The following INPP4B variants were observed in gnomAD, a reference collection of about 807,000 sequenced individuals.
The protein encoded by INPP4B is inositol polyphosphate 4-phosphatase type II.
In INPP4B, 55 loss-of-function variants were observed where a neutral mutation model predicts 122.5. That is an observed-to-expected ratio of 0.45 (90% CI 0.36 to 0.56). INPP4B has a LOEUF of 0.56. Among genes scored for constraint, INPP4B ranks in the 20% least tolerant of loss-of-function variants. The pLI, the probability that INPP4B is intolerant of heterozygous loss-of-function variation, is 0.00. For synonymous variants in INPP4B, 403 were observed against 388.7 expected, an observed-to-expected ratio of 1.04 and a Z score of -0.43; for missense variants, 1,000 against 1,097.7, an observed-to-expected ratio of 0.91 and a Z score of 1.26.
At chr4:142,790,818 C>T (rs1372499507) in intron 1 of INPP4B, among the ~76,000 whole-genome samples, 1 of 151,736 alleles carries the variant, frequency 6.6e-6, no homozygotes, top group Non-Finnish European at 1.5e-5. Context: ...AACCAAGTTC[C>T]AGCAATGTCC....
chr4:142,178,336 C>T (rs576571988), intron 15 of INPP4B, among the ~76,000 whole-genome samples: 1 of 152,318 alleles, frequency 6.6e-6, no homozygotes, highest in South Asian at 2.1e-4. Flanking sequence ...TGTAATAGCT[C>T]ACAAACTGGT....
At chr4:142,674,668 A>G (rs972332390) in intron 2 of INPP4B, among the ~76,000 whole-genome samples, 25 of 152,158 alleles carry the variant, frequency 1.6e-4, no homozygotes, top group Non-Finnish European at 1.2e-4. Context: ...AAATTATAAC[A>G]GTCTCTCAGA....
At chr4:142,457,910 C>A (rs1309298229) in intron 3 of INPP4B, among the ~76,000 whole-genome samples, 1 of 152,084 alleles carries the variant, frequency 6.6e-6, no homozygotes, top group Non-Finnish European at 1.5e-5. Context: ...CTGGTAGTTT[C>A]TTATAAAATT....
chr4:142,140,818 G>A (rs1242868835), intron 18 of INPP4B, among the ~76,000 whole-genome samples: 1 of 152,130 alleles, frequency 6.6e-6, no homozygotes, highest in African/African-American at 2.4e-5. Flanking sequence ...CAAGGTTTAT[G>A]GATATCAGTA....
At chr4:142,670,174 G>A (rs1172782262) in intron 2 of INPP4B, among the ~76,000 whole-genome samples, 5 of 152,134 alleles carry the variant, frequency 3.3e-5, no homozygotes, top group Non-Finnish European at 5.9e-5. Flanking sequence ...AACATAGTAT[G>A]TGTAGGGTTT....
intron 1 of INPP4B, among the ~76,000 whole-genome samples, chr4:142,842,837 C>CAT (rs1419814669): frequency 7.8e-6 from 1 of 128,936 alleles, no homozygotes; most frequent in East Asian, 2.1e-4. Flanking sequence ...ATTTATATAT[C>CAT]ATATATATCA....
intron 2 of INPP4B, among the ~76,000 whole-genome samples, chr4:142,486,621 T>A (rs1037625042): frequency 9.2e-5 from 14 of 152,134 alleles, no homozygotes; most frequent in Non-Finnish European, 1.8e-4. Context: ...ATATAGAAAC[T>A]CTAATTTATC....
At chr4:142,682,557 T>A (rs1423256660) in intron 2 of INPP4B, among the ~76,000 whole-genome samples, 1 of 151,932 alleles carries the variant, frequency 6.6e-6, no homozygotes, top group African/African-American at 2.4e-5. Context: ...CATTGCTAAT[T>A]CACCAATAAC....
At chr4:142,449,540 A>G (rs1412918710) in intron 3 of INPP4B, among the ~76,000 whole-genome samples, 2 of 152,078 alleles carry the variant, frequency 1.3e-5, no homozygotes, top group African/African-American at 4.8e-5. Context: ...TGTTTCTACT[A>G]AAAATACAAA....
chr4:142,613,330 G>A (rs1742982137), intron 2 of INPP4B, among the ~76,000 whole-genome samples: 1 of 152,146 alleles, frequency 6.6e-6, no homozygotes, highest in Non-Finnish European at 1.5e-5. Flanking sequence ...ATTTTATAAG[G>A]TATATATTAA....
chr4:142,818,434 A>G (rs1467845407), intron 1 of INPP4B, among the ~76,000 whole-genome samples: 1 of 135,054 alleles, frequency 7.4e-6, no homozygotes, highest in African/African-American at 3.0e-5. Flanking sequence ...AAGGAAGGCA[A>G]TTTAAACGTG....
intron 2 of INPP4B, among the ~76,000 whole-genome samples, chr4:142,499,960 G>A: frequency 6.6e-6 from 1 of 152,072 alleles, no homozygotes; most frequent in East Asian, 1.9e-4. Flanking sequence ...GACAGCCTGA[G>A]GCCAAATCCC....
chr4:142,585,458 A>T (rs566800906), intron 2 of INPP4B, among the ~76,000 whole-genome samples: 1 of 152,022 alleles, frequency 6.6e-6, no homozygotes, highest in Admixed American at 6.6e-5. Context: ...CTCCCCTTTT[A>T]GATATTGTTT....
chr4:142,321,680 T>C (rs1318653903), intron 7 of INPP4B, among the ~76,000 whole-genome samples: 2 of 152,268 alleles, frequency 1.3e-5, no homozygotes, highest in South Asian at 2.1e-4. Context: ...ATTTGTTGAA[T>C]AGAGTGTCCT....
chr4:142,195,682 A>C (rs966807329), intron 14 of INPP4B, among the ~76,000 whole-genome samples: 1 of 152,220 alleles, frequency 6.6e-6, no homozygotes, highest in Non-Finnish European at 1.5e-5. Context: ...AACTTCCCCC[A>C]AAACATTGCC....
At chr4:142,591,417 C>A (rs1348820313) in intron 2 of INPP4B, among the ~76,000 whole-genome samples, 1 of 151,862 alleles carries the variant, frequency 6.6e-6, no homozygotes, top group Non-Finnish European at 1.5e-5. Context: ...TAGATTATAA[C>A]CCAAAGTATA....
intron 2 of INPP4B, chr4:142,474,222 A>T (rs1475184644): frequency 6.6e-6 from 1 of 152,054 alleles, no homozygotes; most frequent in Non-Finnish European, 1.5e-5. Flanking sequence ...CAGGCTAGCC[A>T]TACCTGCCAG....
intron 2 of INPP4B, among the ~76,000 whole-genome samples, chr4:142,681,662 T>C (rs1342722476): frequency 2.0e-5 from 3 of 151,788 alleles, no homozygotes; most frequent in Non-Finnish European, 4.4e-5. Flanking sequence ...TTCAAGGTAG[T>C]GGATGCCTGC....
intron 25 of INPP4B, among the ~76,000 whole-genome samples, chr4:142,080,365 A>G (rs1336713934): frequency 3.3e-5 from 5 of 152,160 alleles, no homozygotes; most frequent in Admixed American, 1.3e-4. Flanking sequence ...AAATACATGC[A>G]TACATACACA....
Sources: allele counts gnomAD v4.1 joint callset (sites outside exome capture counted in the v4.1 genomes callset), GRCh38; gene constraint gnomAD v4.1.1; transcripts MANE v1.5; gene names NCBI Gene and HGNC (gene_info 2026-07-23, HGNC 2026-07-21).